NKD2: variants seen among roughly 807,000 people sequenced by gnomAD.
The protein encoded by NKD2 is protein naked cuticle homolog 2.
In NKD2, 43 loss-of-function variants were observed where a neutral mutation model predicts 34.8. That is an observed-to-expected ratio of 1.24 (90% confidence interval 0.97 to 1.60). The LOEUF is 1.60. Ranked by LOEUF, NKD2 falls within the 40% of genes most tolerant of loss-of-function variation. The probability of loss-of-function intolerance (pLI) is 0.00; values close to 1 mark genes in which losing one functional copy is unlikely to be tolerated. For synonymous variants in NKD2, 278 were observed against 265.1 expected (o/e 1.05, Z -0.47); for missense variants, 675 against 627.1 (o/e 1.08, Z -0.82).
rs1436643821 is a variant in NKD2, at chr5:1,009,500, C to G, written c.81C>G (p.Ser27=). The G allele has an allele frequency of 1.3e-6, 2 of 1,498,580 alleles. No homozygotes were observed. Among genetic ancestry groups the G allele is most frequent in the Non-Finnish European group, 1.8e-6 (2 of 1,132,358 alleles). 92.8% of individuals were successfully genotyped at this position (1,498,580 alleles called of 1,614,324 possible). The change falls in exon 3 of 10, where the codon TCC becomes TCG. Residue 27 remains serine (S), a synonymous_variant. Transcript: ENST00000296849. The surrounding 1 kb of genome is among the most constrained non-coding windows in gnomAD (Gnocchi z 6.9). ...CCGCAGGGGACAGCTTCGTGGCGTC[C>G]GCGTACGCGAGCGGCCGCAAAGGCG... is the stretch of plus-strand genomic sequence containing the variant. ...ESPEGDSFVA[S]AYASGRKGAE...
intron 3 of NKD2, among the ~76,000 whole-genome samples, chr5:1,020,336 C>T (rs576182716): frequency 2.4e-4 from 36 of 152,274 alleles, no homozygotes; most frequent in Admixed American, 2.0e-3. Context: ...TGTATACATA[C>T]ATGTATAGAG....
chr5:1,027,597 C>T (rs1033463624), intron 3 of NKD2, among the ~76,000 whole-genome samples: 1 of 152,198 alleles, frequency 6.6e-6, no homozygotes, highest in East Asian at 1.9e-4. Context: ...CTCCTGGACA[C>T]GCTGTGGCCT....
At chr5:1,025,971 C>T (rs370711250) in intron 3 of NKD2, among the ~76,000 whole-genome samples, 13 of 69,924 alleles carry the variant, frequency 1.9e-4, no homozygotes, top group African/African-American at 5.4e-4. Context: ...AGCCCATTGT[C>T]CCTGCTCTTC....
rs1733953537 is a variant in NKD2 at position 1,036,523 on chromosome 5, C to CCCCAA, written c.787+141_787+142insCAACC. The CCCCAA allele has an allele frequency of 8.9e-6, 6 of 677,662 alleles. No homozygotes were observed. In the East Asian group the frequency reaches 1.7e-4, roughly 19 times the overall value. The allele number at this position is 677,662 out of a possible 1,614,324, so 42.0% of individuals were successfully genotyped here. ...CCCCAACCCCCCCCACCCCACCCCA[C>CCCCAA]CCAGGACGGCACCCAGGTCCTTCCA... On this transcript the variant is annotated intron_variant, in intron 9 of 9. Transcript: ENST00000296849.
intron 3 of NKD2, among the ~76,000 whole-genome samples, chr5:1,028,673 A>G (rs1325534446): frequency 6.6e-6 from 1 of 151,924 alleles, no homozygotes; most frequent in Non-Finnish European, 1.5e-5. Context: ...GACAGGCTAG[A>G]GGAGGCGCCT....
chr5:1,034,992 G>A, intron 7 of NKD2, 89 bp downstream of exon 7: 1 of 1,254,716 alleles, frequency 8.0e-7, no homozygotes, highest in African/African-American at 1.5e-5. Flanking sequence ...GGACAAGTGA[G>A]TGGATGGAGG....
intron 4 of NKD2, 117 bp downstream of exon 4, chr5:1,032,329 G>A (rs2150746052): frequency 1.3e-6 from 1 of 773,794 alleles, no homozygotes; most frequent in Admixed American, 2.5e-5. Context: ...GCACTTCCCA[G>A]GCTTAGACGC....
At position 1,030,210 on chromosome 5, in the gene NKD2, C is replaced by T. The variant is rs183920610; in HGVS notation, c.142-1942C>T. On this transcript the variant is annotated intron_variant, in intron 3 of 9. Transcript: ENST00000296849. ...CAGTGGCAGTGCCTGCGTCCCTCAGCCTGGGCATTGGTGGTCTTGGCTGCC... is the reference window on the plus strand; with the variant it reads ...CAGTGGCAGTGCCTGCGTCCCTCAGTCTGGGCATTGGTGGTCTTGGCTGCC... 9.2e-5 allele frequency among the ~76,000 whole-genome samples: 14 copies of T among 152,292 alleles called. No individual in the cohort carries two copies. In the East Asian group the frequency reaches 2.7e-3, roughly 29 times the overall value.
intron 3 of NKD2, among the ~76,000 whole-genome samples, chr5:1,022,507 T>C (rs113354575): frequency 1.6e-3 from 10 of 6,438 alleles, no homozygotes; most frequent in Non-Finnish European, 0.031. Context: ...CGCTAGTGGG[T>C]GTCCCAGCCC....
intron 8 of NKD2, chr5:1,035,995 C>T (rs1437430067): frequency 1.6e-6 from 1 of 625,528 alleles, no homozygotes; most frequent in Non-Finnish European, 2.4e-6. Context: ...GCCACTACAG[C>T]ATGAGCCACT....
At chr5:1,034,115 G>T in intron 5 of NKD2, 120 bp from the exon 6 acceptor site, 1 of 705,074 alleles carries the variant, frequency 1.4e-6, no homozygotes. Flanking sequence ...TCTAGGCTCC[G>T]CCTTTCCTAG....
chr5:1,038,189 A>T lies in NKD2; in HGVS notation c.1172A>T (p.Glu391Val). ...AAGCGGTACCGCCAAAAGGGCAGGG[A>T]GGGCCACTCGCCACTCAAGGCCCCA... The part of the protein sequence containing the change: ...GHKRYRQKGR[E>V]GHSPLKAPHA... Residue 391 changes from glutamate to valine, a missense_variant, in exon 10 of 10, where the codon GAG (glutamate) becomes GTG (valine). Coordinates refer to ENST00000296849, the MANE Select transcript of NKD2 (RefSeq NM_033120.4). This position sits in a 1 kb window ranked among gnomAD's most constrained non-coding sequence, Gnocchi z 4.5. 1.2e-5 allele frequency: 19 copies of T among 1,589,150 alleles called. No homozygotes were observed. The highest frequency in any genetic ancestry group is 1.6e-5 in the Non-Finnish European group (19 of 1,169,740).
chr5:1,013,009 C>T (rs1755813075), intron 3 of NKD2, among the ~76,000 whole-genome samples: 2 of 152,240 alleles, frequency 1.3e-5, no homozygotes, highest in African/African-American at 4.8e-5. Flanking sequence ...AGACTCGGGC[C>T]AGTGCACGTG....
Position 1,038,522 on chromosome 5 carries a change from G to C in NKD2, c.*149G>C. 6.8e-7 allele frequency: 1 copy of C among 1,474,952 alleles called. No homozygotes were observed. The highest frequency in any genetic ancestry group is 9.2e-7 in the Non-Finnish European group (1 of 1,092,260). The allele number at this position is 1,474,952 out of a possible 1,614,324, so 91.4% of individuals were successfully genotyped here. ...AAACAGCAACTGACTGCAGGTGCTG[G>C]CATGATGGAGGTGGTGCACCTTGGA... On this transcript the variant is annotated 3_prime_UTR_variant, in exon 10 of 10. Coordinates refer to ENST00000296849, the MANE Select transcript of NKD2 (RefSeq NM_033120.4). This position sits in a 1 kb window ranked among gnomAD's most constrained non-coding sequence, Gnocchi z 4.5.
In NKD2 at chr5:1,034,247, G is replaced by A. The variant is rs143957338; in HGVS notation, c.343G>A (p.Asp115Asn). 1.1e-5 allele frequency: 17 copies of A among 1,611,718 alleles called. No homozygotes were observed. Among genetic ancestry groups the A allele is most frequent in the South Asian group, 3.3e-5 (3 of 90,780 alleles). The change falls in exon 6 of 10, where the codon GAT becomes AAT. Residue 115 changes from aspartate (D) to asparagine (N), a missense_variant. By Grantham distance (23) the Asp-to-Asn change is conservative. Transcript: ENST00000296849. ...QRLNIDALQC[D>N]VSVEEDDRQE... ...CGTCCCCCCACAGGCACTCCAGTGC[G>A]ATGTCTCGGTGGAGGAGGACGACCG...
chr5:1,036,308 G>T lies in NKD2; in HGVS notation c.711G>T (p.Val237=). ...QPCSERGPYC[V]DENTERRNHY... ...GCTCGGAGCGGGGGCCCTACTGCGTGGACGAGAACACGGAGCGCAGAAACC... is the reference window on the plus strand; with the variant it reads ...GCTCGGAGCGGGGGCCCTACTGCGTTGACGAGAACACGGAGCGCAGAAACC... Residue 237 remains valine (V), a synonymous_variant, in exon 9 of 10, where the codon GTG becomes GTT. Transcript: ENST00000296849. 1 of 1,612,828 alleles carries T rather than the reference G, an allele frequency of 6.2e-7. No homozygotes were observed. Among genetic ancestry groups the T allele is most frequent in the South Asian group, 1.1e-5 (1 of 91,054 alleles).
chr5:1,016,381 G>T (rs141625030), intron 3 of NKD2, among the ~76,000 whole-genome samples: 1 of 152,262 alleles, frequency 6.6e-6, no homozygotes, highest in African/African-American at 2.4e-5. Context: ...CCTGTCCTGC[G>T]CAGAGCTGGA....
intron 9 of NKD2, among the ~76,000 whole-genome samples, chr5:1,037,156 C>T (rs1029993300): frequency 6.6e-6 from 1 of 152,134 alleles, no homozygotes; most frequent in Non-Finnish European, 1.5e-5. Context: ...GCCCAGCACA[C>T]GTTTATTTCC....
chr5:1,034,570 C>T (rs116204030), intron 6 of NKD2, among the ~76,000 whole-genome samples, 186 bp from the exon 7 acceptor site: 3,938 of 152,298 alleles, frequency 0.026, 165 homozygotes, highest in African/African-American at 0.087. Flanking sequence ...GCACTGGAGG[C>T]GCTCACAGGG....
Sources: allele counts gnomAD v4.1 joint callset (sites outside exome capture counted in the v4.1 genomes callset), GRCh38; gene constraint gnomAD v4.1.1; non-coding constraint Gnocchi (gnomAD v3.1); transcripts MANE v1.5; gene names NCBI Gene and HGNC (gene_info 2026-07-23, HGNC 2026-07-21).